Variants in SLC8A1 observed in about 807,000 individuals in gnomAD.
SLC8A1 encodes solute carrier family 8 member A1, also known as sodium/calcium exchanger 1.
Under a neutral mutation model 68.3 loss-of-function variants are expected in SLC8A1, and 18 were observed. The ratio of observed to expected loss-of-function variants is 0.26; its 90% CI spans 0.18 to 0.39. The LOEUF (loss-of-function observed/expected upper bound fraction) is 0.39. Among genes scored for constraint, SLC8A1 ranks in the 10% least tolerant of loss-of-function variants. SLC8A1 has a pLI of 1.00. For synonymous variants in SLC8A1, 475 were observed against 415.5 expected, an observed-to-expected ratio of 1.14 and a Z score of -1.74; for missense variants, 985 against 1,156.7, an observed-to-expected ratio of 0.85 and a Z score of 2.15.
intron 2 of SLC8A1, among the ~76,000 whole-genome samples, chr2:40,197,052 C>T (rs865869149): frequency 2.0e-5 from 3 of 152,020 alleles, no homozygotes; most frequent in Admixed American, 1.3e-4. Context: ...CATGGAAGTG[C>T]TCCTGTTCAT....
intron 2 of SLC8A1, among the ~76,000 whole-genome samples, chr2:40,226,582 A>G (rs1476193880): frequency 6.6e-6 from 1 of 152,156 alleles, no homozygotes; most frequent in Non-Finnish European, 1.5e-5. Context: ...GAAAGGGTCT[A>G]GATTCTTCCA....
intron 1 of SLC8A1, among the ~76,000 whole-genome samples, chr2:40,459,378 G>C (rs1039890563): frequency 2.1e-5 from 3 of 143,370 alleles, no homozygotes; most frequent in Non-Finnish European, 3.1e-5. Context: ...ATTTTTTTTT[G>C]TTTTGAAAAT....
At chr2:40,359,425 G>C (rs1673837470) in intron 2 of SLC8A1, among the ~76,000 whole-genome samples, 1 of 152,122 alleles carries the variant, frequency 6.6e-6, no homozygotes, top group Admixed American at 6.6e-5. Flanking sequence ...CCTTTTAAGT[G>C]TGAAAAAGGG....
intron 2 of SLC8A1, among the ~76,000 whole-genome samples, chr2:40,223,158 C>T (rs1165762563): frequency 6.6e-6 from 1 of 152,156 alleles, no homozygotes; most frequent in Non-Finnish European, 1.5e-5. Flanking sequence ...AAATGTGGCA[C>T]ATATACACCA....
chr2:40,224,618 C>G lies in SLC8A1; in HGVS notation c.1809-46763G>C, dbSNP rs562234831. 5.2e-4 allele frequency among the ~76,000 whole-genome samples: 79 copies of G among 152,218 alleles called. 1 individual carries two copies. Among genetic ancestry groups the G allele is most frequent in the African/African-American group, 1.8e-3 (73 of 41,548 alleles). ...TGCCTACCTGTTTCAACCCATCACC[C>G]ACTAGACAAACTGATTGCTTAGGCT... On this transcript the variant is annotated intron_variant, in intron 2 of 7. Transcript: ENST00000406785.
At chr2:40,303,886 T>C (rs2072045472) in intron 2 of SLC8A1, among the ~76,000 whole-genome samples, 1 of 152,212 alleles carries the variant, frequency 6.6e-6, no homozygotes, top group Non-Finnish European at 1.5e-5. Context: ...AAGGAGCTTG[T>C]GTTTTCCTCT....
chr2:40,390,415 T>TAAATAGTTACAGAA (rs1176124668), intron 2 of SLC8A1, among the ~76,000 whole-genome samples: 3 of 152,148 alleles, frequency 2.0e-5, no homozygotes, highest in Non-Finnish European at 4.4e-5. Context: ...CTAATTATTC[T>TAAATAGTTACAGAA]AAATAGTTAC....
exon 2 of SLC8A1, chr2:40,429,611 C>T: frequency 6.2e-7 from 1 of 1,613,754 alleles, no homozygotes; most frequent in Non-Finnish European, 8.5e-7. Flanking sequence ...GGAGATATGA[C>T]AGACAAAATA....
Position 40,428,647 on chromosome 2 carries a change from G to C in SLC8A1, c.1634C>G (p.Pro545Arg), listed in dbSNP as rs146455378. 1.8e-5 allele frequency: 29 copies of C among 1,613,622 alleles called. No individual in the cohort carries two copies. Among genetic ancestry groups the C allele is most frequent in the Middle Eastern group, 1.6e-4 (1 of 6,080 alleles). The change falls in exon 2 of 8, where the codon CCT becomes CGT. Residue 545 changes from proline (P) to arginine (R), a missense_variant. Transcript: ENST00000406785. ...AATGCTCTCACTCACATGAGTCACA[G>C]GTTCCTCAAAAGTAAAAATGCCTGC...
intron 2 of SLC8A1, chr2:40,177,924 A>AAG: frequency 3.0e-6 from 3 of 998,784 alleles, no homozygotes; most frequent in South Asian, 1.4e-5. Flanking sequence ...GGTGTCCACC[A>AAG]AGCTGAATGT....
chr2:40,280,476 T>C (rs1235555858), intron 2 of SLC8A1, among the ~76,000 whole-genome samples: 3 of 152,192 alleles, frequency 2.0e-5, no homozygotes, highest in African/African-American at 2.4e-5. Context: ...GGTCAAAATA[T>C]ACAAATATCA....
At chr2:40,255,101 G>C (rs974154483) in intron 2 of SLC8A1, 1 of 151,756 alleles carries the variant, frequency 6.6e-6, no homozygotes, top group African/African-American at 2.4e-5. Flanking sequence ...CTATGTCTGC[G>C]CTTAAGACAA....
chr2:40,261,877 T>G (rs554875404), intron 2 of SLC8A1, among the ~76,000 whole-genome samples: 14 of 152,322 alleles, frequency 9.2e-5, no homozygotes, highest in African/African-American at 3.1e-4. Context: ...CTTATCAAAA[T>G]TTACTATTTT....
At chr2:40,168,550 G>T (rs2046938133) in intron 4 of SLC8A1, among the ~76,000 whole-genome samples, 1 of 151,992 alleles carries the variant, frequency 6.6e-6, no homozygotes, top group Non-Finnish European at 1.5e-5. Context: ...CTAGATTTTT[G>T]ACTGGCAAAA....
At chr2:40,228,601 C>A (rs181526743) in intron 2 of SLC8A1, among the ~76,000 whole-genome samples, 12 of 152,176 alleles carry the variant, frequency 7.9e-5, no homozygotes, top group Admixed American at 7.9e-4. Flanking sequence ...ATGAAAGACC[C>A]CCAGGTCTTC....
chr2:40,181,533 A>C (rs2049564504), intron 2 of SLC8A1, among the ~76,000 whole-genome samples: 1 of 152,230 alleles, frequency 6.6e-6, no homozygotes, highest in Non-Finnish European at 1.5e-5. Context: ...CAAAATCATT[A>C]GTAATGGAAT....
At chr2:40,457,932 C>T (rs1703118010) in intron 1 of SLC8A1, among the ~76,000 whole-genome samples, 1 of 152,126 alleles carries the variant, frequency 6.6e-6, no homozygotes, top group South Asian at 2.1e-4. Flanking sequence ...TTGCCGAATC[C>T]TGGCTGTACG....
intron 1 of SLC8A1, among the ~76,000 whole-genome samples, chr2:40,439,597 C>CT (rs945893448): frequency 3.9e-5 from 6 of 152,018 alleles, no homozygotes; most frequent in African/African-American, 1.4e-4. Flanking sequence ...ATTTTTTAAT[C>CT]TTTTTTAACA....
chr2:40,172,015 A>AT (rs1427633613), intron 4 of SLC8A1, among the ~76,000 whole-genome samples: 4 of 152,160 alleles, frequency 2.6e-5, no homozygotes, highest in Non-Finnish European at 5.9e-5. Context: ...TCAAATTTAG[A>AT]TTTTCACACT....
Sources: allele counts gnomAD v4.1 joint callset (sites outside exome capture counted in the v4.1 genomes callset), GRCh38; gene constraint gnomAD v4.1.1; transcripts MANE v1.5; gene names NCBI Gene and HGNC (gene_info 2026-07-23, HGNC 2026-07-21).